PCDHA13: variants seen among roughly 807,000 people sequenced by gnomAD.
PCDHA13 encodes protocadherin alpha-13.
In PCDHA13, 54 loss-of-function variants were observed where a neutral mutation model predicts 64.8. The ratio of observed to expected loss-of-function variants is 0.83; its 90% CI spans 0.67 to 1.04. The LOEUF (loss-of-function observed/expected upper bound fraction) is 1.04, where lower values mean the gene tolerates loss of function less well. PCDHA13 is among the 50% of genes least tolerant of loss of function. The pLI is 0.00. For synonymous variants in PCDHA13, 587 were observed against 564.4 expected (o/e 1.04, Z -0.57); for missense variants, 1,248 against 1,254.3 (o/e 0.99, Z 0.08).
chr5:140,905,851 A>G (rs1345912722), intron 1 of PCDHA13, among the ~76,000 whole-genome samples: 1 of 152,204 alleles, frequency 6.6e-6, no homozygotes, highest in Non-Finnish European at 1.5e-5. Context: ...ATTAAGGAGT[A>G]TTAACTCACA....
chr5:140,928,792 G>A (rs1190569981), intron 1 of PCDHA13: 2 of 1,614,048 alleles, frequency 1.2e-6, no homozygotes, highest in Non-Finnish European at 1.7e-6. Context: ...TAAGCAGAGG[G>A]TGGTGGTAGT....
At chr5:140,902,953 C>T (rs549407032) in intron 1 of PCDHA13, among the ~76,000 whole-genome samples, 24 of 152,278 alleles carry the variant, frequency 1.6e-4, no homozygotes, top group East Asian at 1.3e-3. Flanking sequence ...TCTTTATCCA[C>T]TTGTTGGCTG....
intron 1 of PCDHA13, among the ~76,000 whole-genome samples, chr5:140,923,323 C>T (rs1554201408): frequency 6.6e-6 from 1 of 152,092 alleles, no homozygotes; most frequent in Non-Finnish European, 1.5e-5. Context: ...CCTAGAAGTT[C>T]AAGGACAGTT....
intron 3 of PCDHA13, among the ~76,000 whole-genome samples, chr5:141,006,898 C>A (rs2098293427): frequency 6.6e-6 from 1 of 152,152 alleles, no homozygotes; most frequent in East Asian, 1.9e-4. Context: ...TTTCAGATTT[C>A]TTCAGTTTGG....
At chr5:140,958,192 C>G (rs1554223363) in intron 1 of PCDHA13, among the ~76,000 whole-genome samples, 1 of 151,790 alleles carries the variant, frequency 6.6e-6, no homozygotes, top group Non-Finnish European at 1.5e-5. Context: ...TGTTACTGGT[C>G]TAGTATACAA....
Position 141,009,661 on chromosome 5 carries a change from T to G in PCDHA13, c.2577T>G (p.Gly859=), listed in dbSNP as rs1554262260. ...PEAGEVSPPV[G]AGVNSNSWTF... ...CAGGAGAAGTGTCCCCTCCAGTCGG[T>G]GCGGGTGTCAACAGCAACAGCTGGA... The change falls in exon 4 of 4, where the codon GGT becomes GGG. Residue 859 remains glycine (G), a synonymous_variant. Coordinates refer to ENST00000289272, the MANE Select transcript of PCDHA13 (RefSeq NM_018904.3). 1 of 1,614,030 alleles carries G rather than the reference T, an allele frequency of 6.2e-7. No homozygotes were observed.
intron 3 of PCDHA13, among the ~76,000 whole-genome samples, chr5:140,994,381 C>T (rs1339661887): frequency 6.6e-6 from 1 of 152,086 alleles, no homozygotes; most frequent in East Asian, 1.9e-4. Context: ...ATTCAGGGGA[C>T]TAAGTCAGAG....
At chr5:140,952,338 CAA>C (rs55931446) in intron 1 of PCDHA13, among the ~76,000 whole-genome samples, 119 of 135,000 alleles carry the variant, frequency 8.8e-4, no homozygotes, top group Admixed American at 1.8e-3. Flanking sequence ...AACTCCATCT[CAA>C]AAAAAAAAAA....
chr5:140,914,288 T>C (rs2076666061), intron 1 of PCDHA13, among the ~76,000 whole-genome samples: 1 of 152,210 alleles, frequency 6.6e-6, no homozygotes, highest in African/African-American at 2.4e-5. Flanking sequence ...ATAATTGTTA[T>C]ATCCTCTTGC....
intron 3 of PCDHA13, among the ~76,000 whole-genome samples, chr5:140,983,914 AGGATT>A (rs1327360241): frequency 6.6e-6 from 1 of 152,244 alleles, no homozygotes; most frequent in Non-Finnish European, 1.5e-5. Flanking sequence ...CTAATCAGCC[AGGATT>A]TGCTATTTAT....
chr5:140,882,303 G>A lies in PCDHA13; in HGVS notation c.35G>A (p.Arg12Gln). 1 of 1,613,824 alleles carries A rather than the reference G, an allele frequency of 6.2e-7. No individual in the cohort carries two copies. The change falls in exon 1 of 4, where the codon CGG (arginine) becomes CAG (glutamine). Residue 12 changes from arginine (R) to glutamine (Q), a missense_variant. Coordinates refer to ENST00000289272, the MANE Select transcript of PCDHA13 (RefSeq NM_018904.3). The part of the protein sequence containing the change: ...LSSWQGGPRP[R>Q]QLLLWLLILA... ...TCCTGGCAAGGAGGCCCAAGACCGC[G>A]GCAACTACTGCTCTGGCTTCTGATC...
At chr5:140,946,241 T>A (rs797039382) in intron 1 of PCDHA13, among the ~76,000 whole-genome samples, 5 of 152,044 alleles carry the variant, frequency 3.3e-5, no homozygotes, top group African/African-American at 1.2e-4. Context: ...ATGCTCAACA[T>A]CATGAATCAT....
intron 3 of PCDHA13, among the ~76,000 whole-genome samples, chr5:141,000,278 G>A (rs574420053): frequency 6.6e-6 from 1 of 151,194 alleles, no homozygotes; most frequent in South Asian, 2.1e-4. Flanking sequence ...GGGAGGCAGA[G>A]GTGGGAATAT....
At chr5:140,926,974 G>C (rs145276602) in intron 1 of PCDHA13, 2 of 1,610,140 alleles carry the variant, frequency 1.2e-6, no homozygotes, top group East Asian at 2.2e-5. Context: ...CTCAGTGCCG[G>C]AGGAGACGGA....
rs2098416660 is a variant in PCDHA13, at chr5:141,010,249, T to C, written c.*312T>C. ...GCCCCGCCAGTGAGAGGTTGGACTC[T>C]CTGCCCTGTGCTCCGGGGATCCTGT... On this transcript the variant is annotated 3_prime_UTR_variant, in exon 4 of 4. Coordinates refer to ENST00000289272, the MANE Select transcript of PCDHA13 (RefSeq NM_018904.3). 2 of 1,551,772 alleles carry C rather than the reference T, an allele frequency of 1.3e-6. No homozygotes were observed. Among genetic ancestry groups the C allele is most frequent in the Non-Finnish European group, 1.7e-6 (2 of 1,147,036 alleles).
intron 1 of PCDHA13, among the ~76,000 whole-genome samples, chr5:140,893,478 C>T (rs1365540423): frequency 2.6e-5 from 4 of 151,996 alleles, no homozygotes; most frequent in African/African-American, 9.7e-5. Flanking sequence ...CATAGCAAGA[C>T]CCTGTTCTTC....
intron 1 of PCDHA13, among the ~76,000 whole-genome samples, chr5:140,910,213 G>A (rs1375224674): frequency 6.6e-6 from 1 of 152,170 alleles, no homozygotes; most frequent in South Asian, 2.1e-4. Context: ...TGACCTGGAA[G>A]TTTTCTGCTT....
chr5:140,972,884 G>A (rs763416041), intron 1 of PCDHA13, among the ~76,000 whole-genome samples: 4 of 151,972 alleles, frequency 2.6e-5, no homozygotes, highest in African/African-American at 7.3e-5. Flanking sequence ...GGATGGTCTC[G>A]ATCTCTTGAC....
chr5:140,929,410 CACA>C (rs2153600762), intron 1 of PCDHA13: 2 of 1,505,808 alleles, frequency 1.3e-6, no homozygotes, highest in East Asian at 2.3e-5. Context: ...ACAAGCCTTT[CACA>C]ACATTTCATC....
Sources: gnomAD v4.1 joint callset for allele counts (sites outside exome capture counted in the v4.1 genomes callset) on GRCh38, gnomAD v4.1.1 for gene constraint, MANE v1.5 for transcripts, NCBI Gene and HGNC (gene_info 2026-07-23, HGNC 2026-07-21) for gene names.